Variants in MTA3 observed in about 807,000 individuals in gnomAD.
MTA3 encodes metastasis-associated protein MTA3.
In MTA3, 34 loss-of-function variants were observed where a neutral mutation model predicts 83.5. The ratio of observed to expected loss-of-function variants is 0.41; its 90% CI spans 0.31 to 0.54. MTA3 has a LOEUF of 0.54. Ranked by LOEUF, MTA3 falls within the 20% of genes least tolerant of loss-of-function variation. The pLI, the probability that MTA3 is intolerant of heterozygous loss-of-function variation, is 0.33. For missense variants in MTA3, 761 were observed against 726.4 expected (o/e 1.05, Z -0.55); for synonymous variants, 303 against 252.7 (o/e 1.20, Z -1.89).
chr2:42,657,922 A>T (rs889544358), intron 7 of MTA3, among the ~76,000 whole-genome samples: 2 of 151,894 alleles, frequency 1.3e-5, no homozygotes, highest in Non-Finnish European at 2.9e-5. Flanking sequence ...TACAAAAAAA[A>T]TTAGCTGGGC....
At chr2:42,569,213 GT>G (rs1350817685) in intron 1 of MTA3, among the ~76,000 whole-genome samples, 5 of 148,114 alleles carry the variant, frequency 3.4e-5, no homozygotes, top group South Asian at 2.1e-4. Context: ...GGTGGGGGCG[GT>G]GGGGGCCCAG....
intron 2 of MTA3, among the ~76,000 whole-genome samples, chr2:42,549,595 C>CATATACATATATAATATATAATATATT (rs1677007157): frequency 8.8e-6 from 1 of 113,634 alleles, no homozygotes; most frequent in East Asian, 2.3e-4. Flanking sequence ...ATATTATATA[C>CATATACATATATAATATATAATATATT]ATATACATAT....
intron 16 of MTA3, among the ~76,000 whole-genome samples, chr2:42,738,445 C>T (rs1372582754): frequency 6.6e-6 from 1 of 152,146 alleles, no homozygotes; most frequent in Non-Finnish European, 1.5e-5. Context: ...CCAGTCAATA[C>T]CCTTGTGATT....
chr2:42,673,841 A>G (rs1691071049), intron 8 of MTA3, among the ~76,000 whole-genome samples: 1 of 152,194 alleles, frequency 6.6e-6, no homozygotes, highest in Non-Finnish European at 1.5e-5. Context: ...TCTTGAATTG[A>G]AATAATTCCG....
intron 2 of MTA3, among the ~76,000 whole-genome samples, chr2:42,496,608 GAAAAA>G (rs35316146): frequency 9.0e-5 from 11 of 122,034 alleles, no homozygotes; most frequent in South Asian, 2.5e-4. Context: ...CAGAACCTAG[GAAAAA>G]AAAAAAAAAA....
intron 2 of MTA3, among the ~76,000 whole-genome samples, chr2:42,560,513 C>G (rs1019800401): frequency 6.6e-6 from 1 of 151,160 alleles, no homozygotes; most frequent in Non-Finnish European, 1.5e-5. Context: ...GATGGTGCCA[C>G]TGCACTCCAG....
intron 8 of MTA3, among the ~76,000 whole-genome samples, chr2:42,668,884 A>G (rs1039363398): frequency 2.0e-5 from 3 of 152,128 alleles, no homozygotes; most frequent in Admixed American, 1.3e-4. Context: ...ATCAAGAATA[A>G]CTTAGAAAAG....
At chr2:42,655,331 G>C (rs930619203) in intron 6 of MTA3, among the ~76,000 whole-genome samples, 1 of 152,112 alleles carries the variant, frequency 6.6e-6, no homozygotes, top group Admixed American at 6.6e-5. Context: ...CAGACATTAT[G>C]AGCTACTTTT....
At chr2:42,718,250 G>A (rs1486594599) in intron 14 of MTA3, among the ~76,000 whole-genome samples, 2 of 151,758 alleles carry the variant, frequency 1.3e-5, no homozygotes, top group Non-Finnish European at 1.5e-5. Context: ...AATTATTATT[G>A]TTATTATTAT....
intron 8 of MTA3, among the ~76,000 whole-genome samples, chr2:42,670,908 G>C (rs1356288865): frequency 6.6e-6 from 1 of 151,952 alleles, no homozygotes; most frequent in African/African-American, 2.4e-5. Flanking sequence ...AATTAACCTT[G>C]TTACAGTACT....
intron 3 of MTA3, among the ~76,000 whole-genome samples, 183 bp downstream of exon 3, chr2:42,579,383 A>G (rs1031872547): frequency 6.7e-6 from 1 of 149,224 alleles, no homozygotes; most frequent in African/African-American, 2.4e-5. Context: ...TTCAGTGTAT[A>G]TGTGTATATA....
intron 4 of MTA3, among the ~76,000 whole-genome samples, chr2:42,613,487 T>G (rs1248038203): frequency 6.6e-6 from 1 of 152,220 alleles, no homozygotes; most frequent in Non-Finnish European, 1.5e-5. Flanking sequence ...GTAGAACAAG[T>G]GCACATTGGA....
rs180866699 is a variant in MTA3, at chr2:42,570,630, G to A, written c.96+126G>A. The A allele has an allele frequency of 5.7e-4, 276 of 484,838 alleles. No individual in the cohort carries two copies. Among genetic ancestry groups the A allele is most frequent in the African/African-American group, 4.9e-3 (252 of 51,136 alleles). 30.0% of individuals were successfully genotyped at this position (484,838 alleles called of 1,614,324 possible). A position where few individuals can be genotyped will look rare whatever the true frequency, so the allele number is the denominator to read the frequency against. ...ATCCCAGTAAATTGGGAGGCCTGGC[G>A]AGTGGATAGCTTGAGCCCAGGAGTT... On this transcript the variant is annotated intron_variant, in intron 2 of 16. Transcript: ENST00000405094.
intron 14 of MTA3, among the ~76,000 whole-genome samples, chr2:42,717,342 G>A (rs1026165980): frequency 1.3e-5 from 2 of 151,892 alleles, no homozygotes; most frequent in African/African-American, 4.8e-5. Context: ...AAACCTGTAG[G>A]ACATTTTTGT....
intron 16 of MTA3, among the ~76,000 whole-genome samples, chr2:42,747,248 C>T (rs531543071): frequency 2.0e-4 from 30 of 152,276 alleles, no homozygotes; most frequent in African/African-American, 6.5e-4. Context: ...TATCCGCCCA[C>T]CTCAGCCCCC....
chr2:42,574,710 A>G (rs1456787646), intron 2 of MTA3, among the ~76,000 whole-genome samples: 1 of 152,042 alleles, frequency 6.6e-6, no homozygotes, highest in East Asian at 1.9e-4. Flanking sequence ...ACAGGCGTGA[A>G]CCACTGCACC....
intron 2 of MTA3, among the ~76,000 whole-genome samples, chr2:42,550,592 C>T (rs1174163511): frequency 1.3e-5 from 2 of 152,052 alleles, no homozygotes; most frequent in Non-Finnish European, 2.9e-5. Flanking sequence ...CTAAGGGTGG[C>T]TCAGATTTGG....
chr2:42,544,344 G>A (rs1454805547), intron 2 of MTA3, among the ~76,000 whole-genome samples: 1 of 151,834 alleles, frequency 6.6e-6, no homozygotes, highest in Non-Finnish European at 1.5e-5. Context: ...TACTCAGGAG[G>A]CTGAGGCAGG....
At chr2:42,499,244 C>T (rs1003256417) in intron 2 of MTA3, among the ~76,000 whole-genome samples, 53 of 151,398 alleles carry the variant, frequency 3.5e-4, no homozygotes, top group African/African-American at 1.1e-3. Flanking sequence ...CTCAGCTCAC[C>T]GCAACCTCCG....
Sources: gnomAD v4.1 joint callset for allele counts (sites outside exome capture counted in the v4.1 genomes callset) on GRCh38, gnomAD v4.1.1 for gene constraint, MANE v1.5 for transcripts, NCBI Gene and HGNC (gene_info 2026-07-23, HGNC 2026-07-21) for gene names.